XPOT: variants seen among roughly 807,000 people sequenced by gnomAD.
The protein encoded by XPOT is exportin-T.
In XPOT, 34 loss-of-function variants were observed where a neutral mutation model predicts 128.2. The observed-to-expected ratio is 0.27, with a 90% CI of 0.20 to 0.35. XPOT has a LOEUF of 0.35. Among genes scored for constraint, XPOT ranks in the 10% least tolerant of loss-of-function variants. The pLI is 1.00. For missense variants in XPOT, 838 were observed against 1,125.3 expected (o/e 0.74, Z 3.65); for synonymous variants, 348 against 394.3 (o/e 0.88, Z 1.39).
chr12:64,414,050 A>G (rs927334802), intron 2 of XPOT, among the ~76,000 whole-genome samples: 1 of 152,132 alleles, frequency 6.6e-6, no homozygotes, highest in Non-Finnish European at 1.5e-5. Flanking sequence ...TTGATGTGCA[A>G]TTTTCTTGTC....
rs775541337 is a variant in XPOT, at chr12:64,433,619, A to G, written c.2452+16A>G. 1 of 1,574,772 alleles carries G rather than the reference A, an allele frequency of 6.4e-7. No individual in the cohort carries two copies. Among genetic ancestry groups the G allele is most frequent in the Non-Finnish European group, 8.7e-7 (1 of 1,154,610 alleles). On this transcript the variant is annotated intron_variant, in intron 19 of 24. Transcript: ENST00000332707. ...GCAAATCAAGGTGGGAACACATGCC[A>G]TATCTAATTTGTCTGCTTAAGTCTG...
Position 64,423,241 on chromosome 12 carries a change from T to C in XPOT, c.1179T>C (p.Asn393=). 6 of 1,572,546 alleles carry C rather than the reference T, an allele frequency of 3.8e-6. No homozygotes were observed. The highest frequency in any genetic ancestry group is 5.1e-6 in the Non-Finnish European group (6 of 1,165,926). Residue 393 remains asparagine (N), a synonymous_variant, in exon 11 of 25, where the codon AAT becomes AAC. Transcript: ENST00000332707. ...ACGATGAAGAATATAACTTTGAAAA[T>C]GAGGTAAGAATTTTTTTTTGTTGAG... ...LTYDEEYNFE[N]EGEDEAMFVE... is the part of the protein sequence containing the mutation.
chr12:64,418,307 C>G (rs1461833421), intron 5 of XPOT, among the ~76,000 whole-genome samples, 192 bp downstream of exon 5: 1 of 152,096 alleles, frequency 6.6e-6, no homozygotes, highest in African/African-American at 2.4e-5. Flanking sequence ...ATATCAATGA[C>G]TGAAATGGTC....
chr12:64,431,839 A>G lies in XPOT; in HGVS notation c.2262+16A>G. 1 of 1,603,388 alleles carries G rather than the reference A, an allele frequency of 6.2e-7. No individual in the cohort carries two copies. The highest frequency in any genetic ancestry group is 8.5e-7 in the Non-Finnish European group (1 of 1,174,048). On this transcript the variant is annotated intron_variant, in intron 18 of 24. Transcript: ENST00000332707. ...CAAATTCAAGGTACCGCAAACTTTCAGAGCTCTGAAAATCTCTTGAAGATC... is the reference window on the plus strand; with the variant it reads ...CAAATTCAAGGTACCGCAAACTTTCGGAGCTCTGAAAATCTCTTGAAGATC...
At chr12:64,422,902 CAAAA>C (rs201490602) in intron 9 of XPOT, 99 bp from the exon 10 acceptor site, 375 of 870,568 alleles carry the variant, frequency 4.3e-4, no homozygotes, top group Middle Eastern at 7.5e-4. Context: ...GACCTTGTCT[CAAAA>C]AAAAAAAAAA....
intron 3 of XPOT, among the ~76,000 whole-genome samples, chr12:64,416,008 A>T (rs1025160457): frequency 6.6e-6 from 1 of 152,122 alleles, no homozygotes; most frequent in Admixed American, 6.6e-5. Context: ...GGAAATAGGA[A>T]CTCTCTTATA....
chr12:64,415,407 C>G, intron 3 of XPOT, among the ~76,000 whole-genome samples: 1 of 151,806 alleles, frequency 6.6e-6, no homozygotes, highest in African/African-American at 2.4e-5. Flanking sequence ...TGGAGTCTCG[C>G]TTTGTCGCCC....
chr12:64,418,436 A>G (rs1407568109), intron 5 of XPOT, among the ~76,000 whole-genome samples: 5 of 152,200 alleles, frequency 3.3e-5, no homozygotes, highest in Non-Finnish European at 7.3e-5. Context: ...CAGCCTCTCC[A>G]CCAGAGCCCT....
chr12:64,432,611 C>T (rs2040249224), intron 18 of XPOT, among the ~76,000 whole-genome samples: 1 of 152,152 alleles, frequency 6.6e-6, no homozygotes, highest in African/African-American at 2.4e-5. Flanking sequence ...GATCTTCATA[C>T]CTACCCTAGA....
At position 64,418,100 on chromosome 12, in the gene XPOT, A is replaced by G. The variant is rs764587356; in HGVS notation, c.255A>G (p.Ser85=). The G allele has an allele frequency of 1.2e-6, 2 of 1,613,324 alleles. No individual in the cohort carries two copies. Among genetic ancestry groups the G allele is most frequent in the African/African-American group, 1.3e-5 (1 of 74,918 alleles). Residue 85 remains serine (S), a synonymous_variant, in exon 5 of 25, where the codon TCA becomes TCG. Coordinates refer to ENST00000332707, the MANE Select transcript of XPOT (RefSeq NM_007235.6). ...QQQLIRETLI[S]WLQAQMLNPQ... is the part of the protein sequence containing the mutation. ...AGCTAATTAGGGAGACGCTCATATCATGGCTGCAAGCTCAGGTAAAATCAT... is the reference window on the plus strand; with the variant it reads ...AGCTAATTAGGGAGACGCTCATATCGTGGCTGCAAGCTCAGGTAAAATCAT...
chr12:64,445,680 C>T (rs1344840452), intron 24 of XPOT, among the ~76,000 whole-genome samples: 3 of 152,112 alleles, frequency 2.0e-5, no homozygotes, highest in African/African-American at 7.2e-5. Flanking sequence ...TCATTTCATA[C>T]ATAATGACTG....
rs563832254 is a variant in XPOT, at chr12:64,409,297, A to G, written c.-74-665A>G. On this transcript the variant is annotated intron_variant, in intron 1 of 24. Transcript: ENST00000332707. Reference sequence around the variant, plus strand: ...TTTTATACTTAACTGCAGTTGCACAATTGCATTTTTAAGTACTAGAGATAA... The same window carrying G: ...TTTTATACTTAACTGCAGTTGCACAGTTGCATTTTTAAGTACTAGAGATAA... Among the ~76,000 whole-genome samples, 5 of 152,326 alleles carry G rather than the reference A, an allele frequency of 3.3e-5. No individual in the cohort carries two copies. In the East Asian group the frequency reaches 9.6e-4, roughly 29 times the overall value.
intron 1 of XPOT, among the ~76,000 whole-genome samples, chr12:64,407,500 G>C (rs2039994118): frequency 6.9e-6 from 1 of 145,210 alleles, no homozygotes; most frequent in East Asian, 2.0e-4. Context: ...AAAAAAAAAA[G>C]ATTAATGAGA....
At chr12:64,445,203 C>T in intron 24 of XPOT, 72 bp downstream of exon 24, 1 of 1,165,016 alleles carries the variant, frequency 8.6e-7, no homozygotes. Flanking sequence ...GAATACATAC[C>T]TGCAATTATA....
chr12:64,441,381 C>G (rs925337084), intron 23 of XPOT, among the ~76,000 whole-genome samples: 2 of 152,200 alleles, frequency 1.3e-5, no homozygotes, highest in African/African-American at 4.8e-5. Context: ...CTCAAAGAAT[C>G]CTTCTGCCTC....
intron 3 of XPOT, among the ~76,000 whole-genome samples, chr12:64,415,385 A>ATTT (rs952056385): frequency 2.6e-5 from 4 of 151,386 alleles, no homozygotes; most frequent in Non-Finnish European, 5.9e-5. Flanking sequence ...TATTATTATT[A>ATTT]TTTTCTTGAG....
chr12:64,445,603 A>G (rs2040361470), intron 24 of XPOT, among the ~76,000 whole-genome samples: 1 of 151,892 alleles, frequency 6.6e-6, no homozygotes, highest in Admixed American at 6.6e-5. Flanking sequence ...TCACGTGTTT[A>G]TTTGGTATTC....
In XPOT at chr12:64,435,633, T is replaced by C; in HGVS notation, c.2692T>C (p.Ser898Pro). 1 of 1,597,324 alleles carries C rather than the reference T, an allele frequency of 6.3e-7. No homozygotes were observed. The highest frequency in any genetic ancestry group is 8.5e-7 in the Non-Finnish European group (1 of 1,170,192). The change falls in exon 22 of 25, where the codon TCT (serine) becomes CCT (proline). Residue 898 changes from serine (S) to proline (P), a missense_variant. Physicochemically the swap from Ser to Pro is moderately conservative, Grantham distance 74. Coordinates refer to ENST00000332707, the MANE Select transcript of XPOT (RefSeq NM_007235.6). ...TTAAACTTGTTTTTCACAGGCTTTA[T>C]CTGAGTGTGCAGTGACACTGAAAAC... ...LADAQTVLAL[S>P]ECAVTLKTIH...
intron 6 of XPOT, 150 bp from the exon 7 acceptor site, chr12:64,419,920 T>A (rs2040122620): frequency 1.6e-6 from 1 of 610,356 alleles, no homozygotes; most frequent in Non-Finnish European, 2.6e-6. Flanking sequence ...ATACAAAGAA[T>A]CACAGGATAT....
Sources: allele counts gnomAD v4.1 joint callset (sites outside exome capture counted in the v4.1 genomes callset), GRCh38; gene constraint gnomAD v4.1.1; transcripts MANE v1.5; gene names NCBI Gene and HGNC (gene_info 2026-07-23, HGNC 2026-07-21).